The following RORB variants were observed in gnomAD, a reference collection of about 807,000 sequenced individuals.
The protein encoded by RORB is nuclear receptor ROR-beta.
RORB carries 6 observed loss-of-function variants against 59.1 expected under a neutral mutation model. That is an observed-to-expected ratio of 0.10 (90% confidence interval 0.06 to 0.20). The LOEUF (loss-of-function observed/expected upper bound fraction) is 0.20. RORB is among the 10% of genes least tolerant of loss of function. The pLI, the probability that RORB is intolerant of heterozygous loss-of-function variation, is 1.00. For missense variants in RORB, 320 were observed against 560.5 expected (o/e 0.57, Z 4.33); for synonymous variants, 215 against 204.5 (o/e 1.05, Z -0.44).
chr9:74,633,595 G>T (rs1206197903), intron 2 of RORB, among the ~76,000 whole-genome samples: 1 of 152,192 alleles, frequency 6.6e-6, no homozygotes, highest in East Asian at 1.9e-4. Context: ...ATGAGTCAGT[G>T]AATGGACGAA....
intron 1 of RORB, among the ~76,000 whole-genome samples, chr9:74,580,026 T>C (rs961800511): frequency 2.6e-5 from 4 of 152,206 alleles, no homozygotes; most frequent in Admixed American, 6.5e-5. Flanking sequence ...ATTATTGTTG[T>C]TTATTATTAT....
chr9:74,521,751 C>T (rs1026324125), intron 1 of RORB, among the ~76,000 whole-genome samples: 5 of 151,702 alleles, frequency 3.3e-5, no homozygotes, highest in African/African-American at 1.2e-4. Context: ...CGTTTTATCC[C>T]TATCACTGAA....
chr9:74,537,468 T>C (rs1826337432), intron 1 of RORB, among the ~76,000 whole-genome samples: 1 of 152,048 alleles, frequency 6.6e-6, no homozygotes. Flanking sequence ...CATGAAATCC[T>C]CATCTCCTGT....
intron 1 of RORB, among the ~76,000 whole-genome samples, chr9:74,586,186 A>G (rs1465903047): frequency 6.6e-6 from 1 of 152,160 alleles, no homozygotes; most frequent in African/African-American, 2.4e-5. Context: ...ATCTAGAGTT[A>G]ACAGATATAT....
At chr9:74,674,415 A>C (rs1001720971) in intron 9 of RORB, among the ~76,000 whole-genome samples, 1 of 152,236 alleles carries the variant, frequency 6.6e-6, no homozygotes, top group African/African-American at 2.4e-5. Flanking sequence ...TGAAATCGCC[A>C]GTAGGTAGAG....
In RORB at chr9:74,642,458, T is replaced by C. The variant is rs1286167980; in HGVS notation, c.280T>C (p.Tyr94His). ...GTCCAAGAAGCAAAGGGACAGCCTG[T>C]ATGCTGAGGTGCAGAAGCACCAGCA... Reference protein sequence around the residue: ...RMSKKQRDSLYAEVQKHQQRL... With the variant: ...RMSKKQRDSLHAEVQKHQQRL... Residue 94 changes from tyrosine (Y) to histidine (H), a missense_variant, in exon 4 of 10, where the codon TAT (tyrosine) becomes CAT (histidine). Physicochemically the swap from Tyr to His is moderately conservative, Grantham distance 83 (BLOSUM62 2). Transcript: ENST00000376896. 4 of 1,614,020 alleles carry C rather than the reference T, an allele frequency of 2.5e-6. No individual in the cohort carries two copies. In the African/African-American group the frequency reaches 4.0e-5, roughly 16 times the overall value.
At chr9:74,511,187 G>T (rs903766233) in intron 1 of RORB, among the ~76,000 whole-genome samples, 1 of 151,956 alleles carries the variant, frequency 6.6e-6, no homozygotes, top group African/African-American at 2.4e-5. Flanking sequence ...TTCAATATAC[G>T]TCACTGGCAT....
chr9:74,647,406 G>T (rs1160171856), intron 4 of RORB, among the ~76,000 whole-genome samples: 3 of 152,104 alleles, frequency 2.0e-5, no homozygotes, highest in South Asian at 4.1e-4. Flanking sequence ...CAAGACAATT[G>T]AAACAGCCAA....
At chr9:74,540,272 C>A (rs535995607) in intron 1 of RORB, among the ~76,000 whole-genome samples, 4 of 152,142 alleles carry the variant, frequency 2.6e-5, no homozygotes, top group Non-Finnish European at 4.4e-5. Context: ...TGTGCCCCAA[C>A]CTGCCTCCTC....
chr9:74,651,402 A>T (rs1431745566), intron 4 of RORB, among the ~76,000 whole-genome samples: 1 of 152,024 alleles, frequency 6.6e-6, no homozygotes, highest in African/African-American at 2.4e-5. Flanking sequence ...AGGTGTGGTG[A>T]CACGTGCCTG....
chr9:74,508,345 A>T (rs1481511040), intron 1 of RORB, among the ~76,000 whole-genome samples: 1 of 152,000 alleles, frequency 6.6e-6, no homozygotes, highest in African/African-American at 2.4e-5. Flanking sequence ...CTTATGTCAG[A>T]ATAAATTAAA....
chr9:74,595,374 C>T (rs1277632347), intron 1 of RORB, among the ~76,000 whole-genome samples: 1 of 151,802 alleles, frequency 6.6e-6, no homozygotes, highest in Non-Finnish European at 1.5e-5. Flanking sequence ...TCACTCCTGA[C>T]CATGCCCTTT....
Position 74,685,715 on chromosome 9 carries a change from A to G in RORB, c.*97A>G. Reference sequence around the variant, plus strand: ...ACTTAAGAAAAATGTCACTACTGCAACATTAGGAATGTCCTGCACTTAATA... The same window carrying G: ...ACTTAAGAAAAATGTCACTACTGCAGCATTAGGAATGTCCTGCACTTAATA... On this transcript the variant is annotated 3_prime_UTR_variant, in exon 10 of 10. Coordinates refer to ENST00000376896, the MANE Select transcript of RORB (RefSeq NM_006914.4). 1 of 901,340 alleles carries G rather than the reference A, an allele frequency of 1.1e-6. No individual in the cohort carries two copies. Among genetic ancestry groups the G allele is most frequent in the Non-Finnish European group, 1.6e-6 (1 of 618,304 alleles). 55.8% of individuals were successfully genotyped at this position (901,340 alleles called of 1,614,324 possible). A position where few individuals can be genotyped will look rare whatever the true frequency, so the allele number is the denominator to read the frequency against.
At chr9:74,535,355 A>G (rs1413073614) in intron 1 of RORB, among the ~76,000 whole-genome samples, 1 of 152,054 alleles carries the variant, frequency 6.6e-6, no homozygotes, top group African/African-American at 2.4e-5. Context: ...GTTACTCAGA[A>G]TGGCTAAATC....
At chr9:74,627,293 A>G (rs1379753604) in intron 1 of RORB, among the ~76,000 whole-genome samples, 1 of 152,180 alleles carries the variant, frequency 6.6e-6, no homozygotes, top group African/African-American at 2.4e-5. Flanking sequence ...ACCTCGGATG[A>G]TTTATTATAT....
At chr9:74,619,041 G>T (rs141533411) in intron 1 of RORB, among the ~76,000 whole-genome samples, 4 of 152,232 alleles carry the variant, frequency 2.6e-5, no homozygotes, top group Non-Finnish European at 5.9e-5. Context: ...ACAGATTAAG[G>T]CATGATTGAT....
intron 9 of RORB, among the ~76,000 whole-genome samples, chr9:74,676,087 A>G (rs887844976): frequency 8.5e-5 from 13 of 152,160 alleles, no homozygotes; most frequent in Non-Finnish European, 1.2e-4. Context: ...GCCAAGACCA[A>G]AGCTTGGATC....
At position 74,652,381 on chromosome 9, in the gene RORB, T is replaced by C. The variant is rs574821965; in HGVS notation, c.638-8236T>C. Among the ~76,000 whole-genome samples, 381 of 152,268 alleles carry C rather than the reference T, an allele frequency of 2.5e-3. 1 individual carries two copies. Among genetic ancestry groups the C allele is most frequent in the African/African-American group, 8.9e-3 (369 of 41,566 alleles). On this transcript the variant is annotated intron_variant, in intron 4 of 9. Transcript: ENST00000376896. Reference sequence around the variant, plus strand: ...CAAGATGGCACCACTGCACTCCAGCTGGGCGACAGATCAAGACTCCAACTC... The same window carrying C: ...CAAGATGGCACCACTGCACTCCAGCCGGGCGACAGATCAAGACTCCAACTC...
chr9:74,631,677 C>T (rs1001310322), intron 2 of RORB, among the ~76,000 whole-genome samples: 1 of 152,126 alleles, frequency 6.6e-6, no homozygotes. Context: ...ATGATATTAA[C>T]GTACTAACCT....
Sources: allele counts gnomAD v4.1 joint callset (sites outside exome capture counted in the v4.1 genomes callset), GRCh38; gene constraint gnomAD v4.1.1; transcripts MANE v1.5; gene names NCBI Gene and HGNC (gene_info 2026-07-23, HGNC 2026-07-21).